Variants in MERTK observed in about 807,000 individuals in gnomAD.
MERTK encodes the protein tyrosine-protein kinase Mer.
A neutral mutation model predicts 99.3 loss-of-function variants in MERTK; 69 were observed. The ratio of observed to expected loss-of-function variants is 0.70; its 90% confidence interval spans 0.57 to 0.85. The LOEUF (loss-of-function observed/expected upper bound fraction) is 0.85, where lower values mean the gene tolerates loss of function less well. MERTK is among the 40% of genes least tolerant of loss of function. MERTK has a pLI of 0.00. For missense variants in MERTK, 1,125 were observed against 1,249.4 expected (o/e 0.90, Z 1.50); for synonymous variants, 426 against 467.6 (o/e 0.91, Z 1.15).
At chr2:111,932,539 A>G (rs1238155065) in intron 2 of MERTK, among the ~76,000 whole-genome samples, 1 of 152,236 alleles carries the variant, frequency 6.6e-6, no homozygotes, top group Non-Finnish European at 1.5e-5. Flanking sequence ...TTGCCTGTAT[A>G]TGATTCTTCA....
intron 12 of MERTK, 33 bp downstream of exon 12, chr2:112,003,220 G>T: frequency 1.0e-6 from 1 of 970,052 alleles, no homozygotes; most frequent in South Asian, 1.3e-5. Flanking sequence ...TTTAAAATGT[G>T]GGATAAGAAG....
intron 2 of MERTK, among the ~76,000 whole-genome samples, chr2:111,944,694 G>A (rs1285017844): frequency 6.6e-6 from 1 of 152,104 alleles, no homozygotes; most frequent in Non-Finnish European, 1.5e-5. Flanking sequence ...GCCTTCAACT[G>A]TTTGGATGGG....
At chr2:112,022,421 C>G (rs1325633084) in intron 18 of MERTK, 27 bp downstream of exon 18, 1 of 1,614,046 alleles carries the variant, frequency 6.2e-7, no homozygotes, top group African/African-American at 1.3e-5. Flanking sequence ...GTCTCCCTTC[C>G]ATACTCTGCA....
At chr2:111,959,228 T>C (rs2104715926) in intron 4 of MERTK, among the ~76,000 whole-genome samples, 1 of 152,242 alleles carries the variant, frequency 6.6e-6, no homozygotes, top group African/African-American at 2.4e-5. Context: ...ATGGACCCCT[T>C]AGTGGGATCA....
intron 13 of MERTK, among the ~76,000 whole-genome samples, chr2:112,006,605 T>C (rs1378698800): frequency 6.6e-6 from 1 of 152,206 alleles, no homozygotes; most frequent in Admixed American, 6.5e-5. Flanking sequence ...TTCTCTGGCT[T>C]GACTCTGCAG....
intron 18 of MERTK, 152 bp downstream of exon 18, chr2:112,022,546 C>A: frequency 8.8e-7 from 1 of 1,133,850 alleles, no homozygotes; most frequent in Non-Finnish European, 1.3e-6. Flanking sequence ...GACACCCCAG[C>A]CCAGGAGCCA....
chr2:111,902,823 CAG>C (rs1684070714), intron 1 of MERTK, among the ~76,000 whole-genome samples: 3 of 86,558 alleles, frequency 3.5e-5, no homozygotes, highest in South Asian at 9.2e-4. Context: ...TCTTTATTGA[CAG>C]AGTCTTGCAA....
chr2:112,010,895 C>T (rs530792203), intron 15 of MERTK, among the ~76,000 whole-genome samples: 4 of 152,270 alleles, frequency 2.6e-5, no homozygotes, highest in African/African-American at 9.6e-5. Context: ...AGCGATCCTG[C>T]GGGGTTCTGG....
chr2:111,940,993 G>A, intron 2 of MERTK: 1 of 584,080 alleles, frequency 1.7e-6, no homozygotes, highest in Non-Finnish European at 3.3e-6. Context: ...GTTGAAACCG[G>A]CGGGGTTGTG....
chr2:112,009,238 C>A (rs1278907076), intron 14 of MERTK, among the ~76,000 whole-genome samples: 1 of 152,152 alleles, frequency 6.6e-6, no homozygotes, highest in Non-Finnish European at 1.5e-5. Context: ...AGTATTATGT[C>A]AAATAAGCTA....
At chr2:111,927,415 A>G (rs868480852) in intron 1 of MERTK, among the ~76,000 whole-genome samples, 1 of 152,210 alleles carries the variant, frequency 6.6e-6, no homozygotes, top group Non-Finnish European at 1.5e-5. Context: ...TTTCCTACTT[A>G]TATCTCCCAT....
At chr2:111,905,968 A>G (rs952393584) in intron 1 of MERTK, among the ~76,000 whole-genome samples, 1 of 152,226 alleles carries the variant, frequency 6.6e-6, no homozygotes, top group African/African-American at 2.4e-5. Flanking sequence ...CCAAAAGCTA[A>G]GAACATTTAT....
intron 2 of MERTK, among the ~76,000 whole-genome samples, chr2:111,937,486 G>A (rs1355614381): frequency 6.6e-6 from 1 of 152,068 alleles, no homozygotes; most frequent in Non-Finnish European, 1.5e-5. Flanking sequence ...TGCGTCTCCT[G>A]ACATCCTGTT....
intron 4 of MERTK, among the ~76,000 whole-genome samples, chr2:111,961,693 G>C (rs1685254863): frequency 6.6e-6 from 1 of 152,052 alleles, no homozygotes. Flanking sequence ...CGCAGACACT[G>C]GTGACAACCT....
chr2:111,912,735 C>T (rs1030963092), intron 1 of MERTK, among the ~76,000 whole-genome samples: 7 of 152,208 alleles, frequency 4.6e-5, no homozygotes, highest in Non-Finnish European at 8.8e-5. Flanking sequence ...GCAACTGGCT[C>T]TTTCGCCACT....
At chr2:111,928,456 G>T (rs529500253) in intron 1 of MERTK, among the ~76,000 whole-genome samples, 4 of 148,774 alleles carry the variant, frequency 2.7e-5, no homozygotes, top group African/African-American at 1.0e-4. Context: ...AGCCAAATTT[G>T]CAGCATAGTC....
At chr2:111,992,129 G>A (rs1242493181) in intron 8 of MERTK, among the ~76,000 whole-genome samples, 4 of 152,094 alleles carry the variant, frequency 2.6e-5, no homozygotes, top group Non-Finnish European at 5.9e-5. Flanking sequence ...AAGGAGTCCT[G>A]TTTCCATTCC....
chr2:111,942,418 G>A (rs1262285512), intron 2 of MERTK, among the ~76,000 whole-genome samples: 1 of 152,186 alleles, frequency 6.6e-6, no homozygotes, highest in Non-Finnish European at 1.5e-5. Flanking sequence ...CATTGCCCAC[G>A]ATGGGCAGGA....
intron 1 of MERTK, among the ~76,000 whole-genome samples, chr2:111,902,788 TCCTC>T (rs199908686): frequency 2.0e-5 from 1 of 51,056 alleles, no homozygotes; most frequent in African/African-American, 6.2e-5. Flanking sequence ...CTTCCTTCCT[TCCTC>T]CCTCCCTCCC....
Sources: allele counts gnomAD v4.1 joint callset (sites outside exome capture counted in the v4.1 genomes callset), GRCh38; gene constraint gnomAD v4.1.1; transcripts MANE v1.5; gene names NCBI Gene and HGNC (gene_info 2026-07-23, HGNC 2026-07-21).